SLC26A8: variants seen among roughly 807,000 people sequenced by gnomAD.
SLC26A8 encodes solute carrier family 26 member 8, also known as testis anion transporter 1.
In SLC26A8, 70 loss-of-function variants were observed where a neutral mutation model predicts 105.0. The observed-to-expected ratio is 0.67, with a 90% CI of 0.55 to 0.81. SLC26A8 has a LOEUF of 0.81. Among genes scored for constraint, SLC26A8 ranks in the 40% least tolerant of loss-of-function variants. The probability of loss-of-function intolerance (pLI) is 0.00; values close to 1 mark genes in which losing one functional copy is unlikely to be tolerated. For missense variants in SLC26A8, 998 were observed against 1,181.8 expected (o/e 0.84, Z 2.28); for synonymous variants, 415 against 438.3 (o/e 0.95, Z 0.66).
intron 8 of SLC26A8, 39 bp downstream of exon 8, chr6:35,982,082 A>G: frequency 6.3e-7 from 1 of 1,595,438 alleles, no homozygotes; most frequent in Non-Finnish European, 8.6e-7. Context: ...AGAGGGTATC[A>G]GAAAGAGAAA....
chr6:35,946,499 G>C (rs897729162), intron 19 of SLC26A8, among the ~76,000 whole-genome samples: 5 of 151,956 alleles, frequency 3.3e-5, no homozygotes, highest in Non-Finnish European at 7.4e-5. Context: ...ACCTCCCAAA[G>C]TGCTAGGATT....
At chr6:35,986,767 A>G (rs1210747924) in intron 7 of SLC26A8, among the ~76,000 whole-genome samples, 1 of 152,122 alleles carries the variant, frequency 6.6e-6, no homozygotes, top group Non-Finnish European at 1.5e-5. Context: ...TTAAGGCTGA[A>G]TAGTATTCCA....
intron 8 of SLC26A8, among the ~76,000 whole-genome samples, chr6:35,978,292 A>C (rs1189976380): frequency 6.6e-6 from 1 of 152,172 alleles, no homozygotes. Context: ...TTAGTTTAAC[A>C]GTCAGAAATC....
chr6:35,977,436 C>T lies in SLC26A8; in HGVS notation c.1026-85G>A. 7 of 1,312,404 alleles carry T rather than the reference C, an allele frequency of 5.3e-6. No individual in the cohort carries two copies. The South Asian group carries it at 9.9e-5, about 19-fold the overall frequency. 81.3% of individuals were successfully genotyped at this position (1,312,404 alleles called of 1,614,324 possible). ...CACTCTATTCTAACACTGGGCTGTC[C>T]TGATTCTTTTTTTTTTTTTTTTAAT... On this transcript the variant is annotated intron_variant, in intron 8 of 19. Coordinates refer to ENST00000490799, the MANE Select transcript of SLC26A8 (RefSeq NM_052961.4).
chr6:35,957,769 G>A (rs1331560031), intron 16 of SLC26A8, among the ~76,000 whole-genome samples: 1 of 152,068 alleles, frequency 6.6e-6, no homozygotes, highest in Admixed American at 6.6e-5. Context: ...ACTATGCTGG[G>A]CTAATTTTGT....
At chr6:35,946,656 G>A (rs542791467) in intron 19 of SLC26A8, among the ~76,000 whole-genome samples, 6 of 152,152 alleles carry the variant, frequency 3.9e-5, no homozygotes, top group Non-Finnish European at 8.8e-5. Flanking sequence ...ATGTTAGTAC[G>A]TTAGGAAAAT....
intron 2 of SLC26A8, among the ~76,000 whole-genome samples, chr6:36,019,202 G>A (rs930591316): frequency 1.3e-5 from 2 of 152,062 alleles, no homozygotes; most frequent in Non-Finnish European, 2.9e-5. Flanking sequence ...CTGGGATTAC[G>A]GGCGTGAGCC....
intron 3 of SLC26A8, among the ~76,000 whole-genome samples, chr6:36,001,618 T>C (rs2127358657): frequency 6.6e-6 from 1 of 152,378 alleles, no homozygotes; most frequent in Admixed American, 6.5e-5. Flanking sequence ...CAGAGGTGGC[T>C]TCAAAGGTTT....
At chr6:36,020,737 T>G (rs916864271) in intron 1 of SLC26A8, among the ~76,000 whole-genome samples, 4 of 152,186 alleles carry the variant, frequency 2.6e-5, no homozygotes, top group African/African-American at 9.7e-5. Context: ...ATAATCTATG[T>G]TTTTGAACAA....
chr6:35,987,691 C>T (rs917816423), intron 7 of SLC26A8, among the ~76,000 whole-genome samples: 31 of 151,786 alleles, frequency 2.0e-4, no homozygotes, highest in African/African-American at 7.5e-4. Flanking sequence ...TAACATACTG[C>T]CCCTGTCATC....
chr6:35,995,313 G>A (rs1176933575), intron 5 of SLC26A8, among the ~76,000 whole-genome samples: 2 of 152,166 alleles, frequency 1.3e-5, no homozygotes, highest in African/African-American at 4.8e-5. Context: ...ATCAGTCAGG[G>A]TTGGCCTGTG....
intron 5 of SLC26A8, among the ~76,000 whole-genome samples, chr6:35,995,496 G>C (rs192054122): frequency 1.1e-3 from 174 of 152,124 alleles, no homozygotes; most frequent in African/African-American, 3.9e-3. Context: ...ATTATTTTAT[G>C]CTTAAGATTT....
intron 5 of SLC26A8, among the ~76,000 whole-genome samples, chr6:35,994,796 T>C (rs1163250768): frequency 6.6e-6 from 1 of 152,002 alleles, no homozygotes; most frequent in Non-Finnish European, 1.5e-5. Context: ...AGGCTGGTCT[T>C]GAACTCCTGA....
At chr6:36,003,303 T>G (rs1377181044) in intron 3 of SLC26A8, among the ~76,000 whole-genome samples, 2 of 152,228 alleles carry the variant, frequency 1.3e-5, no homozygotes, top group African/African-American at 4.8e-5. Context: ...CATTTGTCAT[T>G]AACAGCCTGT....
intron 1 of SLC26A8, among the ~76,000 whole-genome samples, chr6:36,021,599 G>C (rs1242406242): frequency 6.6e-6 from 1 of 152,116 alleles, no homozygotes; most frequent in Non-Finnish European, 1.5e-5. Context: ...GGCTGGCAAA[G>C]GCAGCAGAAG....
intron 4 of SLC26A8, among the ~76,000 whole-genome samples, chr6:35,998,460 C>A (rs1286996963): frequency 6.6e-6 from 1 of 151,132 alleles, no homozygotes; most frequent in Non-Finnish European, 1.5e-5. Flanking sequence ...GAGGCTGAGA[C>A]AGGAGAATCA....
chr6:35,971,445 TC>T (rs2127315262), intron 10 of SLC26A8, among the ~76,000 whole-genome samples: 1 of 152,298 alleles, frequency 6.6e-6, no homozygotes, highest in South Asian at 2.1e-4. Context: ...ATGCAGACCC[TC>T]AGGCATCAAT....
intron 9 of SLC26A8, among the ~76,000 whole-genome samples, chr6:35,976,222 G>A (rs892832582): frequency 1.1e-4 from 17 of 151,838 alleles, no homozygotes; most frequent in African/African-American, 3.1e-4. Context: ...TCAGGAGTTC[G>A]AGACCAGTCT....
Position 35,947,367 on chromosome 6 carries a change from C to G in SLC26A8, c.2473-3027G>C, listed in dbSNP as rs116659952. ...TAATAGAGACACACAGGATCCTTCT[C>G]ATTAAATTCAGGAGTAAGACAAGAT... On this transcript the variant is annotated intron_variant, in intron 19 of 19. Coordinates refer to ENST00000490799, the MANE Select transcript of SLC26A8 (RefSeq NM_052961.4). Among the ~76,000 whole-genome samples the G allele has an allele frequency of 7.7e-3, 1,174 of 152,164 alleles. 19 individuals are homozygous for G. The highest frequency in any genetic ancestry group is 0.016 in the South Asian group (79 of 4,822).
Sources: allele counts gnomAD v4.1 joint callset (sites outside exome capture counted in the v4.1 genomes callset), GRCh38; gene constraint gnomAD v4.1.1; transcripts MANE v1.5; gene names NCBI Gene and HGNC (gene_info 2026-07-23, HGNC 2026-07-21).